Variants in ADCY5 observed in about 807,000 individuals in gnomAD.
ADCY5 encodes adenylate cyclase 5, also known as adenylate cyclase type 5.
ADCY5 carries 30 observed loss-of-function variants against 119.7 expected under a neutral mutation model. The ratio of observed to expected loss-of-function variants is 0.25; its 90% CI spans 0.19 to 0.34. ADCY5 has a LOEUF of 0.34. Among genes scored for constraint, ADCY5 ranks in the 10% least tolerant of loss-of-function variants. The probability of loss-of-function intolerance (pLI) is 1.00; values close to 1 mark genes in which losing one functional copy is unlikely to be tolerated. For missense variants in ADCY5, 1,324 were observed against 1,775.2 expected (o/e 0.75, Z 4.57); for synonymous variants, 753 against 762.2 (o/e 0.99, Z 0.20).
Position 123,289,960 on chromosome 3 carries a change from TGAA to T in ADCY5, c.3328-9_3328-7del, listed in dbSNP as rs1559778201. 5 of 1,613,794 alleles carry T rather than the reference TGAA, an allele frequency of 3.1e-6. No homozygotes were observed. The highest frequency in any genetic ancestry group is 2.7e-5 in the African/African-American group (2 of 74,932). ...AACCGATCCTCGCTGATGATCTGGA[TGAA>T]GGAGGCCAAACCTGGGTCACCCCAA... On this transcript the variant is annotated splice_region_variant and splice_polypyrimidine_tract_variant and intron_variant, in intron 18 of 20. Coordinates refer to ENST00000462833, the MANE Select transcript of ADCY5 (RefSeq NM_183357.3).
Position 123,295,314 on chromosome 3 carries a change from G to A in ADCY5, c.3063+770C>T, listed in dbSNP as rs146124003. ...GGCCGGGCCAAGAGAGGCAGAGGCC[G>A]GGCCAGGCTAAGCTCTGCACAGGGC... is the stretch of plus-strand genomic sequence containing the variant. On this transcript the variant is annotated intron_variant, in intron 17 of 20. Transcript: ENST00000462833. Among the ~76,000 whole-genome samples the A allele has an allele frequency of 3.9e-3, 599 of 152,344 alleles. 2 individuals are homozygous for A. The highest frequency in any genetic ancestry group is 0.013 in the African/African-American group (545 of 41,584).
chr3:123,312,268 A>G (rs1249293193), intron 12 of ADCY5, among the ~76,000 whole-genome samples: 3 of 152,260 alleles, frequency 2.0e-5, no homozygotes, highest in Non-Finnish European at 4.4e-5. Context: ...TGAAAGAAAC[A>G]AATAAATAAT....
chr3:123,445,267 AC>A (rs1460379448), intron 1 of ADCY5, among the ~76,000 whole-genome samples: 2 of 152,174 alleles, frequency 1.3e-5, no homozygotes, highest in Non-Finnish European at 2.9e-5. Flanking sequence ...TGCCTAAGGA[AC>A]CAGAAGGAGA....
At chr3:123,382,270 T>C (rs960676487) in intron 1 of ADCY5, among the ~76,000 whole-genome samples, 2 of 152,214 alleles carry the variant, frequency 1.3e-5, no homozygotes, top group Non-Finnish European at 2.9e-5. Flanking sequence ...TAAAAAAGTA[T>C]GAAGTGTTGG....
At chr3:123,316,522 G>A (rs1940919377) in intron 11 of ADCY5, among the ~76,000 whole-genome samples, 1 of 152,210 alleles carries the variant, frequency 6.6e-6, no homozygotes, top group African/African-American at 2.4e-5. Context: ...GAAACTGGAT[G>A]CAGGATGCAC....
intron 17 of ADCY5, among the ~76,000 whole-genome samples, chr3:123,294,758 G>A (rs1193366023): frequency 1.3e-5 from 2 of 152,188 alleles, no homozygotes; most frequent in African/African-American, 2.4e-5. Flanking sequence ...CCTGCTGATC[G>A]CCGATGGGGA....
intron 1 of ADCY5, among the ~76,000 whole-genome samples, chr3:123,385,284 GACACACACGC>G (rs1285552295): frequency 7.0e-6 from 1 of 142,006 alleles, no homozygotes; most frequent in East Asian, 2.2e-4. Flanking sequence ...GTCCACTGCA[GACACACACGC>G]ACACACACAC....
chr3:123,393,931 C>T (rs1033632428), intron 1 of ADCY5, among the ~76,000 whole-genome samples: 3 of 152,128 alleles, frequency 2.0e-5, no homozygotes, highest in Non-Finnish European at 2.9e-5. Flanking sequence ...GTCAGGAGTT[C>T]GAGACCAGGC....
At chr3:123,422,563 C>T (rs895937886) in intron 1 of ADCY5, among the ~76,000 whole-genome samples, 12 of 152,168 alleles carry the variant, frequency 7.9e-5, no homozygotes, top group Admixed American at 6.5e-5. Flanking sequence ...TGGAATGCCC[C>T]GGCACCTACC....
chr3:123,343,230 G>T (rs890228343), intron 3 of ADCY5, among the ~76,000 whole-genome samples: 1 of 152,172 alleles, frequency 6.6e-6, no homozygotes, highest in Non-Finnish European at 1.5e-5. Flanking sequence ...CAGTGATGAT[G>T]TGTACTTTAA....
chr3:123,381,195 A>G (rs1209843117), intron 1 of ADCY5, among the ~76,000 whole-genome samples: 1 of 152,222 alleles, frequency 6.6e-6, no homozygotes, highest in Non-Finnish European at 1.5e-5. Context: ...GCCCTCTTCT[A>G]GTAAATGCCG....
At chr3:123,420,064 AC>A (rs1283374821) in intron 1 of ADCY5, 1 of 152,058 alleles carries the variant, frequency 6.6e-6, no homozygotes, top group African/African-American at 2.4e-5. Flanking sequence ...AACTGAACAA[AC>A]CGTTCTTTAG....
chr3:123,446,741 A>G (rs1945822400), intron 1 of ADCY5, among the ~76,000 whole-genome samples: 1 of 152,128 alleles, frequency 6.6e-6, no homozygotes, highest in Non-Finnish European at 1.5e-5. Context: ...ATGTTCAACA[A>G]CAGCTTTCTG....
At chr3:123,387,710 A>T (rs1341165878) in intron 1 of ADCY5, among the ~76,000 whole-genome samples, 1 of 152,216 alleles carries the variant, frequency 6.6e-6, no homozygotes, top group Admixed American at 6.5e-5. Context: ...CTTTCAACAC[A>T]ACATTAATTA....
At chr3:123,332,749 C>CT (rs1345791431) in intron 3 of ADCY5, 74 bp from the exon 4 acceptor site, 46 of 981,148 alleles carry the variant, frequency 4.7e-5, no homozygotes, top group East Asian at 3.1e-4. Flanking sequence ...TACATTACAT[C>CT]TTTTTTTTCT....
intron 1 of ADCY5, among the ~76,000 whole-genome samples, chr3:123,413,065 G>A (rs367873690): frequency 2.6e-5 from 4 of 152,308 alleles, no homozygotes; most frequent in East Asian, 3.9e-4. Flanking sequence ...CAGGCTTCAT[G>A]ACGCCGGCTC....
intron 6 of ADCY5, among the ~76,000 whole-genome samples, 176 bp downstream of exon 6, chr3:123,328,468 T>C (rs535056330): frequency 6.6e-6 from 1 of 152,302 alleles, no homozygotes; most frequent in South Asian, 2.1e-4. Flanking sequence ...ACAGGTGATT[T>C]GGCAAGTAGA....
rs568320223 is a variant in ADCY5, at chr3:123,399,736, G to A, written c.1135-47155C>T. On this transcript the variant is annotated intron_variant, in intron 1 of 20. Transcript: ENST00000462833. ...GTTAGTTAATTGACTTAGACCTTTA[G>A]TGCCCTAATGCTGAATCTTTCATCC... Among the ~76,000 whole-genome samples, 7 of 152,252 alleles carry A rather than the reference G, an allele frequency of 4.6e-5. No individual in the cohort carries two copies. The South Asian group carries it at 1.5e-3, about 32-fold the overall frequency.
Position 123,425,467 on chromosome 3 carries a change from T to C in ADCY5, c.1134+21945A>G, listed in dbSNP as rs145073067. 4.3e-3 allele frequency among the ~76,000 whole-genome samples: 652 copies of C among 152,320 alleles called. 5 individuals carry two copies. Among genetic ancestry groups the C allele is most frequent in the Admixed American group, 9.8e-3 (150 of 15,298 alleles). ...TCTGGTGGTCTGTGGGTGGTTTCAT[T>C]GTGTTCCACTGCATGTGTGCATGTC... is the stretch of plus-strand genomic sequence containing the variant. On this transcript the variant is annotated intron_variant, in intron 1 of 20. Coordinates refer to ENST00000462833, the MANE Select transcript of ADCY5 (RefSeq NM_183357.3).
Sources: gnomAD v4.1 joint callset for allele counts (sites outside exome capture counted in the v4.1 genomes callset) on GRCh38, gnomAD v4.1.1 for gene constraint, MANE v1.5 for transcripts, NCBI Gene and HGNC (gene_info 2026-07-23, HGNC 2026-07-21) for gene names.